The following BAZ2B variants were observed in gnomAD, a reference collection of about 807,000 sequenced individuals.
The protein encoded by BAZ2B is bromodomain adjacent to zinc finger domain protein 2B.
Under a neutral mutation model 246.0 loss-of-function variants are expected in BAZ2B, and 91 were observed. The ratio of observed to expected loss-of-function variants is 0.37; its 90% CI spans 0.31 to 0.44. The LOEUF (loss-of-function observed/expected upper bound fraction) is 0.44. Ranked by LOEUF, BAZ2B falls within the 20% of genes least tolerant of loss-of-function variation. The pLI, the probability that BAZ2B is intolerant of heterozygous loss-of-function variation, is 1.00. For synonymous variants in BAZ2B, 855 were observed against 860.0 expected (o/e 0.99, Z 0.10); for missense variants, 2,332 against 2,533.7 (o/e 0.92, Z 1.71).
In BAZ2B at chr2:159,478,770, T is replaced by G; in HGVS notation, c.-2-49A>C. 3.0e-6 allele frequency: 4 copies of G among 1,342,708 alleles called. No individual in the cohort carries two copies. In the South Asian group the frequency reaches 8.4e-5, roughly 28 times the overall value. The allele number at this position is 1,342,708 out of a possible 1,614,324, so 83.2% of individuals were successfully genotyped here. A position where few individuals can be genotyped will look rare whatever the true frequency, so the allele number is the denominator to read the frequency against. On this transcript the variant is annotated intron_variant, in intron 2 of 36. Coordinates refer to ENST00000392783, the MANE Select transcript of BAZ2B (RefSeq NM_013450.4). ...TCTCAGTATCAGATAAAAAATTTTT[T>G]CAAAAGAATTCAACATAAACTTTTT...
chr2:159,385,429 T>C, intron 22 of BAZ2B, 60 bp from the exon 23 acceptor site: 3 of 1,411,690 alleles, frequency 2.1e-6, no homozygotes, highest in Non-Finnish European at 3.0e-6. Flanking sequence ...ATAAAAACAA[T>C]AAGATTAAAA....
intron 27 of BAZ2B, among the ~76,000 whole-genome samples, chr2:159,361,096 C>T (rs2059642214): frequency 6.6e-6 from 1 of 152,078 alleles, no homozygotes; most frequent in South Asian, 2.1e-4. Flanking sequence ...CCAAAATTGA[C>T]AAATGGGATC....
intron 1 of BAZ2B, among the ~76,000 whole-genome samples, chr2:159,565,294 A>G (rs182372988): frequency 1.3e-5 from 2 of 152,318 alleles, no homozygotes; most frequent in African/African-American, 4.8e-5. Context: ...TATGTGGACA[A>G]CTCTGACGGA....
chr2:159,453,841 A>AC, intron 3 of BAZ2B, 40 bp from the exon 4 acceptor site: 6 of 1,468,878 alleles, frequency 4.1e-6, no homozygotes, highest in Non-Finnish European at 5.5e-6. Context: ...GTACTATAAA[A>AC]AACAGATGAG....
chr2:159,463,861 C>T (rs1324208767), intron 3 of BAZ2B: 1 of 152,142 alleles, frequency 6.6e-6, no homozygotes, highest in Non-Finnish European at 1.5e-5. Flanking sequence ...CCCATCACCA[C>T]ACCCAGCTAA....
At chr2:159,688,745 C>T in the BAZ2B span, among the ~76,000 whole-genome samples, 1 of 152,106 alleles carries the variant, frequency 6.6e-6, no homozygotes, top group Non-Finnish European at 1.5e-5. Context: ...TTTTTCATGA[C>T]CTTGACATTT....
chr2:159,334,830 T>A (rs1014108350), intron 33 of BAZ2B, among the ~76,000 whole-genome samples: 1 of 152,234 alleles, frequency 6.6e-6, no homozygotes, highest in Admixed American at 6.5e-5. Context: ...ACTGAACACA[T>A]CATGATGACT....
At chr2:159,546,207 G>A (rs891785647) in intron 2 of BAZ2B, among the ~76,000 whole-genome samples, 1 of 152,046 alleles carries the variant, frequency 6.6e-6, no homozygotes, top group Non-Finnish European at 1.5e-5. Flanking sequence ...CCCACGTCAT[G>A]GGAGGAACCC....
chr2:159,548,983 AC>A (rs2087747865), intron 2 of BAZ2B, among the ~76,000 whole-genome samples: 1 of 152,196 alleles, frequency 6.6e-6, no homozygotes, highest in Non-Finnish European at 1.5e-5. Flanking sequence ...TTATATTTCA[AC>A]AACGTTAAAC....
In BAZ2B at chr2:159,585,080, T is replaced by C. The variant is rs538026584; in HGVS notation, c.-45-29215A>G. On this transcript the variant is annotated intron_variant, in intron 1 of 36. Transcript: ENST00000392783. ...AAATTACCCAGTCTCAAGTATTTCT[T>C]TAAAACAGTGCAAGAGCAGACTAAT... Among the ~76,000 whole-genome samples, 7 of 152,306 alleles carry C rather than the reference T, an allele frequency of 4.6e-5. No individual in the cohort carries two copies. The East Asian group carries it at 1.2e-3, about 25-fold the overall frequency.
intron 33 of BAZ2B, 99 bp from the exon 34 acceptor site, chr2:159,332,785 G>C (rs978837544): frequency 2.3e-6 from 3 of 1,331,120 alleles, no homozygotes; most frequent in African/African-American, 1.5e-5. Flanking sequence ...TATTAGTAAT[G>C]AACATTCCGC....
chr2:159,510,104 T>A (rs1471464364), intron 2 of BAZ2B, among the ~76,000 whole-genome samples: 1 of 152,008 alleles, frequency 6.6e-6, no homozygotes, highest in African/African-American at 2.4e-5. Flanking sequence ...AAGAGGAAAA[T>A]TTGCAGAGAT....
At chr2:159,413,770 T>C (rs1045833442) in intron 13 of BAZ2B, among the ~76,000 whole-genome samples, 6 of 151,972 alleles carry the variant, frequency 3.9e-5, no homozygotes, top group Non-Finnish European at 8.8e-5. Context: ...AAGAGACAAC[T>C]GAAAATCTGA....
intron 6 of BAZ2B, among the ~76,000 whole-genome samples, 164 bp from the exon 7 acceptor site, chr2:159,439,376 A>T (rs2072968541): frequency 6.6e-6 from 1 of 152,240 alleles, no homozygotes; most frequent in African/African-American, 2.4e-5. Flanking sequence ...AAACTGATCA[A>T]CTTAACTTAC....
chr2:159,451,818 T>C (rs1222689498), intron 4 of BAZ2B, among the ~76,000 whole-genome samples: 2 of 152,166 alleles, frequency 1.3e-5, no homozygotes, highest in Non-Finnish European at 2.9e-5. Flanking sequence ...ATTTTTTAAA[T>C]GTGTTAACCA....
At position 159,572,040 on chromosome 2, in the gene BAZ2B, C is replaced by T. The variant is rs144085312; in HGVS notation, c.-45-16175G>A. ...CAGCACCAGTTTTCATCAAGCATGCCTATGTAATTAAACCCCCATAAAAAC... is the reference window on the plus strand; with the variant it reads ...CAGCACCAGTTTTCATCAAGCATGCTTATGTAATTAAACCCCCATAAAAAC... On this transcript the variant is annotated intron_variant, in intron 1 of 36. Transcript: ENST00000392783. 3.3e-5 allele frequency among the ~76,000 whole-genome samples: 5 copies of T among 152,290 alleles called. No homozygotes were observed. The East Asian group carries it at 9.6e-4, about 29-fold the overall frequency.
intron 27 of BAZ2B, among the ~76,000 whole-genome samples, chr2:159,372,781 A>G (rs1182659025): frequency 6.6e-6 from 1 of 152,230 alleles, no homozygotes; most frequent in African/African-American, 2.4e-5. Flanking sequence ...AAGGTAATAT[A>G]GATGGAAATA....
the BAZ2B span, among the ~76,000 whole-genome samples, chr2:159,700,516 G>A: frequency 2.0e-5 from 3 of 152,174 alleles, no homozygotes; most frequent in Non-Finnish European, 4.4e-5. Context: ...TGCGATCTCG[G>A]CTCACTGCAA....
the BAZ2B span, among the ~76,000 whole-genome samples, chr2:159,651,072 G>A: frequency 2.0e-5 from 3 of 151,836 alleles, no homozygotes; most frequent in Non-Finnish European, 2.9e-5. Context: ...AAAAAACATT[G>A]TGATTATAAT....
Sources: gnomAD v4.1 joint callset for allele counts (sites outside exome capture counted in the v4.1 genomes callset) on GRCh38, gnomAD v4.1.1 for gene constraint, MANE v1.5 for transcripts, NCBI Gene and HGNC (gene_info 2026-07-23, HGNC 2026-07-21) for gene names.